Variants in INF2 observed in about 807,000 individuals in gnomAD.
The protein encoded by INF2 is inverted formin-2.
In INF2, 43 loss-of-function variants were observed where a neutral mutation model predicts 123.5. That is an observed-to-expected ratio of 0.35 (90% CI 0.27 to 0.45). INF2 has a LOEUF of 0.45. Among genes scored for constraint, INF2 ranks in the 20% least tolerant of loss-of-function variants. The pLI is 1.00. For missense variants in INF2, 1,453 were observed against 1,682.7 expected, an observed-to-expected ratio of 0.86 and a Z score of 2.39; for synonymous variants, 851 against 745.0, an observed-to-expected ratio of 1.14 and a Z score of -2.32.
At chr14:104,709,939 A>G in intron 12 of INF2, 149 bp from the exon 13 acceptor site, 2 of 770,130 alleles carry the variant, frequency 2.6e-6, no homozygotes, top group Admixed American at 2.0e-5. Flanking sequence ...TGCTCTGCGC[A>G]GGCCCGGGAG....
chr14:104,697,884 T>G (rs1340191674), intron 1 of INF2, among the ~76,000 whole-genome samples: 1 of 148,368 alleles, frequency 6.7e-6, no homozygotes, highest in Non-Finnish European at 1.5e-5. Context: ...GCTGGTGGAC[T>G]GCCGGGGGGG....
chr14:104,683,414 C>T (rs1398821609), intron 1 of INF2, among the ~76,000 whole-genome samples: 2 of 100,404 alleles, frequency 2.0e-5, no homozygotes, highest in African/African-American at 1.1e-4. Context: ...AAGCAGAAGG[C>T]TGGCATCAGT....
At chr14:104,685,414 A>G (rs938385047), upstream of INF2, among the ~76,000 whole-genome samples, 8 of 152,208 alleles carry the variant, frequency 5.3e-5, no homozygotes, top group Admixed American at 4.6e-4. Context: ...CTGAAGCCCC[A>G]GCAGGCAAAG....
At chr14:104,708,754 C>G in intron 10 of INF2, 22 bp downstream of exon 10, 1 of 1,611,686 alleles carries the variant, frequency 6.2e-7, no homozygotes, top group Non-Finnish European at 8.5e-7. Flanking sequence ...AGGTAGCCCC[C>G]ATCCCAGGCC....
Position 104,713,436 on chromosome 14 carries a change from G to A in INF2, c.2879-9G>A, listed in dbSNP as rs373139405. The A allele has an allele frequency of 3.7e-5, 59 of 1,608,458 alleles. No homozygotes were observed. The Middle Eastern group carries it at 5.0e-4, about 14-fold the overall frequency. On this transcript the variant is annotated splice_polypyrimidine_tract_variant and intron_variant, in intron 19 of 22. Coordinates refer to ENST00000392634, the MANE Select transcript of INF2 (RefSeq NM_022489.4). ...CCATGCCGCTCTCTGAGTGCCCCAC[G>A]CTCCTCAGTCAGGAAGGGGCCCGGG...
intron 8 of INF2, 140 bp from the exon 9 acceptor site, chr14:104,708,296 C>T: frequency 1.8e-6 from 2 of 1,105,848 alleles, no homozygotes; most frequent in Non-Finnish European, 2.6e-6. Flanking sequence ...AGGTAGGGTG[C>T]CTGCTGTACG....
intron 4 of INF2, 109 bp from the exon 5 acceptor site, chr14:104,703,807 T>C (rs1889647941): frequency 2.5e-6 from 4 of 1,576,470 alleles, no homozygotes; most frequent in Non-Finnish European, 3.5e-6. Context: ...AGGTCTCTGG[T>C]GTCCCATGAG....
chr14:104,696,258 G>A (rs544797422), intron 1 of INF2, among the ~76,000 whole-genome samples: 15 of 152,316 alleles, frequency 9.8e-5, no homozygotes, highest in African/African-American at 2.6e-4. Context: ...TTGGAGGCAG[G>A]AGCCTTGCAC....
At chr14:104,695,717 T>C (rs4326984) in intron 1 of INF2, among the ~76,000 whole-genome samples, 68,751 of 150,754 alleles carry the variant, frequency 0.46, 16,007 homozygotes, top group Non-Finnish European at 0.5. Flanking sequence ...AGATGTACCT[T>C]CCCCAGGCCC....
intron 1 of INF2, among the ~76,000 whole-genome samples, chr14:104,697,342 G>C (rs1053231043): frequency 4.6e-5 from 7 of 152,348 alleles, no homozygotes; most frequent in African/African-American, 1.7e-4. Flanking sequence ...TTCAAGTCTG[G>C]GTACCCTAAC....
chr14:104,715,172 C>A, intron 21 of INF2, 112 bp from the exon 22 acceptor site: 1 of 1,054,824 alleles, frequency 9.5e-7, no homozygotes, highest in South Asian at 1.3e-5. Flanking sequence ...AACCGGGCAG[C>A]CCTCAGAGGG....
intron 1 of INF2, among the ~76,000 whole-genome samples, chr14:104,696,817 G>A (rs927096933): frequency 2.0e-5 from 3 of 152,086 alleles, no homozygotes; most frequent in Admixed American, 1.3e-4. Flanking sequence ...CCACCCCGTG[G>A]AAGACAAGCT....
At chr14:104,715,164 C>T in intron 21 of INF2, 120 bp from the exon 22 acceptor site, 1 of 986,960 alleles carries the variant, frequency 1.0e-6, no homozygotes, top group Admixed American at 1.8e-5. Flanking sequence ...GGCCAGAGAA[C>T]CGGGCAGCCC....
At chr14:104,706,273 T>G in intron 6 of INF2, 97 bp downstream of exon 6, 1 of 1,298,664 alleles carries the variant, frequency 7.7e-7, no homozygotes, top group Non-Finnish European at 1.1e-6. Context: ...CCTGCCCTGG[T>G]CAGACCCTGC....
intron 1 of INF2, among the ~76,000 whole-genome samples, chr14:104,683,555 G>A (rs1378119071): frequency 1.3e-5 from 2 of 151,966 alleles, no homozygotes; most frequent in East Asian, 3.9e-4. Flanking sequence ...TCGCAGTGGT[G>A]TCCTCATTCC....
chr14:104,716,992 C>A (rs118097302), intron 22 of INF2, among the ~76,000 whole-genome samples: 34 of 152,210 alleles, frequency 2.2e-4, no homozygotes, highest in Admixed American at 2.2e-3. Context: ...GTGCCCAGCC[C>A]CCACCTTTTT....
intron 1 of INF2, among the ~76,000 whole-genome samples, chr14:104,697,627 A>G (rs1056120920): frequency 6.6e-6 from 1 of 152,336 alleles, no homozygotes; most frequent in African/African-American, 2.4e-5. Flanking sequence ...GCATGTAGGC[A>G]TTCGGATGGA....
At chr14:104,687,316 G>A (rs1015115098), upstream of INF2, among the ~76,000 whole-genome samples, 2 of 152,042 alleles carry the variant, frequency 1.3e-5, no homozygotes, top group Non-Finnish European at 2.9e-5. The surrounding 1 kb of genome is among the most constrained non-coding windows in gnomAD (Gnocchi z 5.6). Context: ...AGAAGAGGAG[G>A]GGGCCTCTGT....
upstream of INF2, chr14:104,689,607 G>T (rs1340829996): frequency 1.5e-5 from 3 of 202,046 alleles, no homozygotes; most frequent in African/African-American, 8.4e-5. Flanking sequence ...CGCCCCGCCC[G>T]CCCCGCGCCC....
Sources: allele counts gnomAD v4.1 joint callset (sites outside exome capture counted in the v4.1 genomes callset), GRCh38; gene constraint gnomAD v4.1.1; non-coding constraint Gnocchi (gnomAD v3.1); transcripts MANE v1.5; gene names NCBI Gene and HGNC (gene_info 2026-07-23, HGNC 2026-07-21).